The following CCDC66 variants were observed in gnomAD, a reference collection of about 807,000 sequenced individuals.
The protein encoded by CCDC66 is coiled-coil domain containing 66, also known as coiled-coil domain-containing protein 66.
In CCDC66, 133 loss-of-function variants were observed where a neutral mutation model predicts 128.3. The ratio of observed to expected loss-of-function variants is 1.04; its 90% CI spans 0.90 to 1.20. The LOEUF is 1.20. Among genes scored for constraint, CCDC66 ranks in the 50% most tolerant of loss-of-function variants. The pLI is 0.00. For synonymous variants in CCDC66, 387 were observed against 357.0 expected (o/e 1.08, Z -0.95); for missense variants, 1,126 against 1,075.5 (o/e 1.05, Z -0.66).
At chr3:56,571,761 C>T (rs1326763295) in intron 7 of CCDC66, among the ~76,000 whole-genome samples, 1 of 152,106 alleles carries the variant, frequency 6.6e-6, no homozygotes, top group Non-Finnish European at 1.5e-5. Flanking sequence ...CTCTGTTGCT[C>T]AGGCAGGTAT....
At chr3:56,592,942 T>G in intron 7 of CCDC66, 28 bp from the exon 8 acceptor site, 1 of 1,597,442 alleles carries the variant, frequency 6.3e-7, no homozygotes, top group Non-Finnish European at 8.5e-7. Context: ...GAACTGAACT[T>G]TAGATGGCTT....
intron 4 of CCDC66, among the ~76,000 whole-genome samples, chr3:56,564,954 C>A (rs576830763): frequency 1.3e-5 from 2 of 152,260 alleles, no homozygotes; most frequent in East Asian, 3.9e-4. Flanking sequence ...CTAGCAACAA[C>A]CTGCTTATTA....
chr3:56,603,972 G>A (rs1408283068), intron 10 of CCDC66, among the ~76,000 whole-genome samples: 1 of 152,074 alleles, frequency 6.6e-6, no homozygotes, highest in East Asian at 1.9e-4. Context: ...GGGTGCTTCT[G>A]TTTTGGGTAC....
At chr3:56,576,791 T>C (rs1245282194) in intron 7 of CCDC66, among the ~76,000 whole-genome samples, 2 of 151,536 alleles carry the variant, frequency 1.3e-5, no homozygotes, top group Non-Finnish European at 2.9e-5. Flanking sequence ...TAGTATTCCA[T>C]GGTGTATGTG....
chr3:56,602,664 G>C (rs1039767069), intron 10 of CCDC66, among the ~76,000 whole-genome samples: 2 of 151,680 alleles, frequency 1.3e-5, no homozygotes, highest in Admixed American at 1.3e-4. Flanking sequence ...CCTGGTTATT[G>C]GTATCTTCAG....
At chr3:56,557,608 C>T (rs1338058656) in intron 1 of CCDC66, 1 of 295,598 alleles carries the variant, frequency 3.4e-6, no homozygotes, top group African/African-American at 2.2e-5. Context: ...ACTCCTGGCC[C>T]ATGCCCCGGG....
intron 10 of CCDC66, among the ~76,000 whole-genome samples, chr3:56,598,431 G>T (rs2072527467): frequency 6.6e-6 from 1 of 151,256 alleles, no homozygotes; most frequent in African/African-American, 2.4e-5. Flanking sequence ...GGTTGCTCTG[G>T]CTAGGACTTC....
chr3:56,564,390 T>C (rs2065515238), intron 4 of CCDC66, among the ~76,000 whole-genome samples: 1 of 152,178 alleles, frequency 6.6e-6, no homozygotes, highest in Admixed American at 6.5e-5. Context: ...AAAACTATTA[T>C]TATACTTATT....
chr3:56,616,895 TG>T, intron 13 of CCDC66: 1 of 425,854 alleles, frequency 2.3e-6, no homozygotes, highest in Non-Finnish European at 4.1e-6. Context: ...CATCTTTTCA[TG>T]ATTATCAGTT....
chr3:56,597,850 C>T (rs1172179888), intron 10 of CCDC66, among the ~76,000 whole-genome samples: 1 of 136,378 alleles, frequency 7.3e-6, no homozygotes, highest in African/African-American at 2.7e-5. Context: ...TCTCATCCCA[C>T]TGCAACCTCT....
At chr3:56,574,468 T>C (rs1289002408) in intron 7 of CCDC66, among the ~76,000 whole-genome samples, 1 of 151,700 alleles carries the variant, frequency 6.6e-6, no homozygotes, top group African/African-American at 2.4e-5. Flanking sequence ...AAAAAAGCCC[T>C]CTTCTCAAAT....
intron 15 of CCDC66, chr3:56,618,417 G>A (rs557470840): frequency 4.8e-5 from 24 of 495,406 alleles, no homozygotes; most frequent in African/African-American, 4.1e-4. Flanking sequence ...GGCCTAGGCA[G>A]GAATGTAGAT....
intron 4 of CCDC66, among the ~76,000 whole-genome samples, chr3:56,565,672 C>G (rs1340028995): frequency 6.6e-6 from 1 of 150,596 alleles, no homozygotes; most frequent in African/African-American, 2.4e-5. Flanking sequence ...GCTGGAGTCT[C>G]GCTGCGTCGC....
intron 6 of CCDC66, among the ~76,000 whole-genome samples, 196 bp from the exon 7 acceptor site, chr3:56,570,985 A>T (rs1040476787): frequency 1.4e-4 from 22 of 152,220 alleles, no homozygotes; most frequent in Non-Finnish European, 2.1e-4. Context: ...TACCATACTT[A>T]ACTTTGGTTC....
intron 15 of CCDC66, chr3:56,618,996 T>A: frequency 7.1e-6 from 2 of 281,390 alleles, no homozygotes; most frequent in Non-Finnish European, 1.3e-5. Flanking sequence ...GGCAGGTGGA[T>A]CCACCTGAGG....
intron 17 of CCDC66, 132 bp downstream of exon 17, chr3:56,620,033 A>G (rs1341735820): frequency 4.2e-6 from 4 of 946,190 alleles, no homozygotes; most frequent in East Asian, 2.6e-5. Context: ...CAGTTCCTGT[A>G]TGTTTGTTAG....
intron 10 of CCDC66, among the ~76,000 whole-genome samples, chr3:56,594,882 A>G (rs1167326854): frequency 1.3e-5 from 2 of 152,298 alleles, no homozygotes; most frequent in East Asian, 1.9e-4. Context: ...CTGCTACTTA[A>G]CAGGCACTAT....
Position 56,615,231 on chromosome 3 carries a change from A to G in CCDC66, c.1670A>G (p.Gln557Arg). ...KQEQRIRELA[Q>R]KGHDTSRLIK... Reference sequence around the variant, plus strand: ...GAACAAAGAATCCGAGAATTGGCGCAAAAGGGACATGACACTTCTAGACTG... The same window carrying G: ...GAACAAAGAATCCGAGAATTGGCGCGAAAGGGACATGACACTTCTAGACTG... Residue 557 changes from glutamine to arginine, a missense_variant, in exon 12 of 18, where the codon CAA (glutamine) becomes CGA (arginine). Gln to Arg is a conservative substitution (Grantham distance 43). Transcript: ENST00000394672. The G allele has an allele frequency of 6.2e-7, 1 of 1,614,080 alleles. No homozygotes were observed. The highest frequency in any genetic ancestry group is 1.1e-5 in the South Asian group (1 of 91,068).
At chr3:56,620,330 A>AAATT (rs1479990346) in intron 17 of CCDC66, 1 of 154,266 alleles carries the variant, frequency 6.5e-6, no homozygotes, top group Non-Finnish European at 1.4e-5. Context: ...ATTCAGTATG[A>AAATT]AATTATACGC....
Sources: gnomAD v4.1 joint callset for allele counts (sites outside exome capture counted in the v4.1 genomes callset) on GRCh38, gnomAD v4.1.1 for gene constraint, MANE v1.5 for transcripts, NCBI Gene and HGNC (gene_info 2026-07-23, HGNC 2026-07-21) for gene names.